The following STK36 variants were observed in gnomAD, a reference collection of about 807,000 sequenced individuals.
STK36 encodes serine/threonine kinase 36.
STK36 carries 116 observed loss-of-function variants against 142.2 expected under a neutral mutation model. The observed-to-expected ratio is 0.82, with a 90% CI of 0.70 to 0.95. The LOEUF is 0.95. STK36 is among the 40% of genes least tolerant of loss of function. The pLI, the probability that STK36 is intolerant of heterozygous loss-of-function variation, is 0.00. For synonymous variants in STK36, 619 were observed against 641.7 expected (o/e 0.96, Z 0.53); for missense variants, 1,422 against 1,617.2 (o/e 0.88, Z 2.07).
intron 6 of STK36, among the ~76,000 whole-genome samples, chr2:218,678,725 G>C (rs1229837294): frequency 6.6e-6 from 1 of 152,120 alleles, no homozygotes; most frequent in Non-Finnish European, 1.5e-5. Context: ...TTACTTGTGC[G>C]TGTGAATTAC....
chr2:218,701,361 C>T (rs1299714062), intron 26 of STK36, among the ~76,000 whole-genome samples: 1 of 151,598 alleles, frequency 6.6e-6, no homozygotes, highest in Non-Finnish European at 1.5e-5. Context: ...AGGATGGTCT[C>T]GATGTCCTGA....
At chr2:218,675,306 A>G in intron 4 of STK36, 37 bp from the exon 5 acceptor site, 1 of 1,590,138 alleles carries the variant, frequency 6.3e-7, no homozygotes, top group African/African-American at 1.4e-5. Flanking sequence ...GCTGTTTCTA[A>G]CCTTTTTTTT....
chr2:218,672,254 G>T (rs1475961851), intron 1 of STK36, 39 bp downstream of exon 1: 5 of 529,464 alleles, frequency 9.4e-6, no homozygotes, highest in Non-Finnish European at 1.4e-5. Context: ...GGGAGAGGCG[G>T]GTGGAGAAGA....
At chr2:218,686,444 A>G (rs558969639) in intron 11 of STK36, among the ~76,000 whole-genome samples, 1 of 151,846 alleles carries the variant, frequency 6.6e-6, no homozygotes, top group African/African-American at 2.4e-5. Flanking sequence ...TTTTTTGTAG[A>G]GATAGGGTTT....
Position 218,688,829 on chromosome 2 carries a change from C to T in STK36, c.1513C>T (p.Leu505=), listed in dbSNP as rs751873079. Residue 505 remains leucine, a synonymous_variant, in exon 12 of 27, where the codon CTG becomes TTG. Coordinates refer to ENST00000295709, the MANE Select transcript of STK36 (RefSeq NM_015690.5). ...CCGGGAGGCAGGGCTTCCTGGGCTG[C>T]TGCTGAGTCTACTCAGGCACAGTCA... ...FCREAGLPGL[L]LSLLRHSQES... is the part of the protein sequence containing the mutation. The T allele has an allele frequency of 9.3e-6, 15 of 1,613,330 alleles. No homozygotes were observed. The highest frequency in any genetic ancestry group is 1.3e-5 in the Non-Finnish European group (15 of 1,179,944).
chr2:218,681,569 T>G (rs1302180206), intron 10 of STK36, among the ~76,000 whole-genome samples: 1 of 152,230 alleles, frequency 6.6e-6, no homozygotes, highest in Non-Finnish European at 1.5e-5. Flanking sequence ...TATAACAGAA[T>G]AGCTAAGACG....
intron 7 of STK36, 106 bp from the exon 8 acceptor site, chr2:218,679,454 G>C (rs1940402350): frequency 7.1e-7 from 1 of 1,410,492 alleles, no homozygotes; most frequent in Non-Finnish European, 9.6e-7. Context: ...TTTTCAAAAT[G>C]ATCTTCTTCC....
intron 10 of STK36, among the ~76,000 whole-genome samples, chr2:218,684,296 A>T (rs1940676526): frequency 6.7e-6 from 1 of 150,072 alleles, no homozygotes; most frequent in East Asian, 2.0e-4. Flanking sequence ...TTTTTAGTAG[A>T]GATGGGTGGG....
intron 12 of STK36, among the ~76,000 whole-genome samples, 166 bp downstream of exon 12, chr2:218,689,042 G>A (rs1188720337): frequency 6.6e-6 from 1 of 152,116 alleles, no homozygotes; most frequent in African/African-American, 2.4e-5. Flanking sequence ...TCTGGGGCCA[G>A]GCAGATAAGG....
intron 14 of STK36, among the ~76,000 whole-genome samples, chr2:218,690,956 A>G (rs1041361607): frequency 7.2e-5 from 11 of 152,250 alleles, no homozygotes; most frequent in African/African-American, 2.7e-4. Context: ...CACGTAAATG[A>G]GGCACAAAGT....
Position 218,676,172 on chromosome 2 carries a change from T to C in STK36, c.578T>C (p.Leu193Pro). The C allele has an allele frequency of 6.2e-7, 1 of 1,614,086 alleles. No individual in the cohort carries two copies. Among genetic ancestry groups the C allele is most frequent in the Non-Finnish European group, 8.5e-7 (1 of 1,180,010 alleles). Residue 193 changes from leucine (L) to proline (P), a missense_variant, in exon 6 of 27, where the codon CTG becomes CCG. Physicochemically the swap from Leu to Pro is moderately conservative, Grantham distance 98. Around this residue, in one of 2 missense-constraint regions of STK36, gnomAD observed 460 missense variants for 449.6 expected, o/e 1.02. Transcript: ENST00000295709. ...TCTGTTGGCTGCATACTATATGAAC[T>C]GGCAGTAGGCACCCCTCCCTTCTAT... ...LWSVGCILYE[L>P]AVGTPPFYAT... is the part of the protein sequence containing the mutation.
In STK36 at chr2:218,676,020, C is replaced by T. The variant is rs755310461; in HGVS notation, c.435-9C>T. The stretch of plus-strand genomic sequence containing the variant: ...TCCCTTTCCATTTCCATCCCATTAT[C>T]TTCTGCAGATTTGCCCGGGCTATGA... On this transcript the variant is annotated splice_polypyrimidine_tract_variant and intron_variant, in intron 5 of 26. Transcript: ENST00000295709. 9 of 1,613,458 alleles carry T rather than the reference C, an allele frequency of 5.6e-6. 1 individual carries two copies. The South Asian group carries it at 6.6e-5, about 12-fold the overall frequency.
In STK36 at chr2:218,679,431, T is replaced by A. The variant is rs1940401575; in HGVS notation, c.779-129T>A. The A allele has an allele frequency of 3.8e-6, 5 of 1,332,292 alleles. 1 individual carries two copies. The South Asian group carries it at 7.1e-5, about 19-fold the overall frequency. 82.5% of individuals were successfully genotyped at this position (1,332,292 alleles called of 1,614,324 possible). On this transcript the variant is annotated intron_variant, in intron 7 of 26. Transcript: ENST00000295709. Reference sequence around the variant, plus strand: ...TTGCCACTTCCCTTACAACCCACTCTCTCTCTGTCACTTTTTCAAAATGAT... The same window carrying A: ...TTGCCACTTCCCTTACAACCCACTCACTCTCTGTCACTTTTTCAAAATGAT...
At chr2:218,699,631 AAG>A (rs368526114) in intron 26 of STK36, among the ~76,000 whole-genome samples, 2 of 152,142 alleles carry the variant, frequency 1.3e-5, no homozygotes, top group African/African-American at 4.8e-5. Flanking sequence ...AGGGAAGACT[AAG>A]AGATGCTGAG....
chr2:218,679,902 A>T lies in STK36; in HGVS notation c.958A>T (p.Asn320Tyr), dbSNP rs1559332081. 2 of 1,613,688 alleles carry T rather than the reference A, an allele frequency of 1.2e-6. No individual in the cohort carries two copies. The highest frequency in any genetic ancestry group is 8.5e-7 in the Non-Finnish European group (1 of 1,179,810). Residue 320 changes from asparagine (N) to tyrosine (Y), a missense_variant, in exon 9 of 27, where the codon AAC becomes TAC. Physicochemically the swap from Asn to Tyr is moderately radical, Grantham distance 143 (BLOSUM62 -2). This residue lies in a region of STK36 where 460 missense variants were observed against 449.6 expected (regional missense o/e 1.02). Coordinates refer to ENST00000295709, the MANE Select transcript of STK36 (RefSeq NM_015690.5). ...CCCCTACCTCCCACAGAAACATCAGAACACAGGACCTGCCCTTGAGCAAGA... is the reference window on the plus strand; with the variant it reads ...CCCCTACCTCCCACAGAAACATCAGTACACAGGACCTGCCCTTGAGCAAGA... The part of the protein sequence containing the change: ...AEEAMQKKHQ[N>Y]TGPALEQEDK...
At chr2:218,683,943 C>T (rs1940653848) in intron 10 of STK36, among the ~76,000 whole-genome samples, 1 of 147,922 alleles carries the variant, frequency 6.8e-6, no homozygotes, top group African/African-American at 2.5e-5. Context: ...CATAGTATTC[C>T]ATGGTGTATA....
At position 218,694,077 on chromosome 2, in the gene STK36, CT is replaced by C; in HGVS notation, c.2336+96del. 1 of 1,343,760 alleles carries C rather than the reference CT, an allele frequency of 7.4e-7. No homozygotes were observed. Among genetic ancestry groups the C allele is most frequent in the Non-Finnish European group, 1.1e-6 (1 of 938,306 alleles). The allele number at this position is 1,343,760 out of a possible 1,614,324, so 83.2% of individuals were successfully genotyped here. ...GGGGAATGGTACCCTACAGCATATCCTTAGGAGGAATTGGGATAGAGAGCGT... is the reference window on the plus strand; with the variant it reads ...GGGGAATGGTACCCTACAGCATATCCTAGGAGGAATTGGGATAGAGAGCGT... On this transcript the variant is annotated intron_variant, in intron 19 of 26. Transcript: ENST00000295709. The surrounding 1 kb of genome is among the most constrained non-coding windows in gnomAD (Gnocchi z 4.4).
At chr2:218,692,001 T>TAA in intron 14 of STK36, 142 bp from the exon 15 acceptor site, 1 of 970,592 alleles carries the variant, frequency 1.0e-6, no homozygotes, top group South Asian at 1.8e-5. Flanking sequence ...AATGCATTTT[T>TAA]GGTGTGAAGA....
chr2:218,693,710 C>T lies in STK36; in HGVS notation c.2149-13C>T. 6.2e-7 allele frequency: 1 copy of T among 1,612,342 alleles called. No homozygotes were observed. The highest frequency in any genetic ancestry group is 1.7e-5 in the Admixed American group (1 of 59,860). ...GCCCTGCCTCACTGCCAGACTCCTT[C>T]CTTCTCCCTCAGGTTCTATACTCCT... On this transcript the variant is annotated splice_polypyrimidine_tract_variant and intron_variant, in intron 17 of 26. Coordinates refer to ENST00000295709, the MANE Select transcript of STK36 (RefSeq NM_015690.5).
Sources: allele counts gnomAD v4.1 joint callset (sites outside exome capture counted in the v4.1 genomes callset), GRCh38; gene constraint gnomAD v4.1.1; regional missense constraint gnomAD v4.1.1; non-coding constraint Gnocchi (gnomAD v3.1); transcripts MANE v1.5; gene names NCBI Gene and HGNC (gene_info 2026-07-23, HGNC 2026-07-21).